Variants in TAX1BP1 observed in about 807,000 individuals in gnomAD.
TAX1BP1 encodes tax1-binding protein 1.
In TAX1BP1, 62 loss-of-function variants were observed where a neutral mutation model predicts 97.7. The ratio of observed to expected loss-of-function variants is 0.63; its 90% CI spans 0.52 to 0.78. The LOEUF is 0.78. TAX1BP1 is among the 30% of genes least tolerant of loss of function. The pLI, the probability that TAX1BP1 is intolerant of heterozygous loss-of-function variation, is 0.00. For missense variants in TAX1BP1, 867 were observed against 916.1 expected (o/e 0.95, Z 0.69); for synonymous variants, 340 against 304.2 (o/e 1.12, Z -1.23).
chr7:27,816,319 C>T (rs934652783), intron 13 of TAX1BP1, 30 bp from the exon 14 acceptor site: 2 of 1,492,210 alleles, frequency 1.3e-6, no homozygotes, highest in Non-Finnish European at 1.8e-6. Context: ...TATTGCTTTG[C>T]TTATTCATCT....
chr7:27,744,150 G>A (rs1177116783), intron 1 of TAX1BP1, among the ~76,000 whole-genome samples: 2 of 151,572 alleles, frequency 1.3e-5, no homozygotes, highest in South Asian at 2.1e-4. Context: ...TTTTTGAGAC[G>A]GAGTCTCGCT....
intron 3 of TAX1BP1, among the ~76,000 whole-genome samples, chr7:27,762,729 G>T (rs942723230): frequency 6.6e-6 from 1 of 152,128 alleles, no homozygotes; most frequent in Non-Finnish European, 1.5e-5. Context: ...AGGATGGATT[G>T]CATGAGCCCA....
chr7:27,769,749 C>T lies in TAX1BP1; in HGVS notation c.527C>T (p.Ala176Val). The T allele has an allele frequency of 6.2e-7, 1 of 1,612,498 alleles. No homozygotes were observed. The highest frequency in any genetic ancestry group is 8.5e-7 in the Non-Finnish European group (1 of 1,179,056). ...ATTGCCGTTCTGGAAAAAGAAACAGCACAACTTCGAGAACAAGTTGGGAGA... is the reference window on the plus strand; with the variant it reads ...ATTGCCGTTCTGGAAAAAGAAACAGTACAACTTCGAGAACAAGTTGGGAGA... Reference protein sequence around the residue: ...KLIAVLEKETAQLREQVGRME... With the variant: ...KLIAVLEKETVQLREQVGRME... The change falls in exon 5 of 17, where the codon GCA becomes GTA. Residue 176 changes from alanine (A) to valine (V), a missense_variant. Ala to Val is a moderately conservative substitution (Grantham distance 64). Around this residue, in one of 3 missense-constraint regions of TAX1BP1, gnomAD observed 822 missense variants for 851.4 expected, o/e 0.97. Transcript: ENST00000396319.
intron 5 of TAX1BP1, among the ~76,000 whole-genome samples, 197 bp from the exon 6 acceptor site, chr7:27,784,966 A>G (rs966762513): frequency 7.2e-5 from 11 of 152,142 alleles, no homozygotes; most frequent in Non-Finnish European, 1.5e-4. Flanking sequence ...CAAAAAACAA[A>G]TTATCGATTA....
chr7:27,811,014 A>G (rs182634501), intron 13 of TAX1BP1, among the ~76,000 whole-genome samples: 1 of 152,178 alleles, frequency 6.6e-6, no homozygotes, highest in East Asian at 1.9e-4. Flanking sequence ...GAGACCACTT[A>G]CCACAATTAA....
chr7:27,786,531 G>A (rs1217152307), intron 7 of TAX1BP1, among the ~76,000 whole-genome samples: 3 of 152,142 alleles, frequency 2.0e-5, no homozygotes, highest in Admixed American at 6.5e-5. Context: ...TGGCTCATAA[G>A]CATTTCCTGA....
At chr7:27,819,075 G>T (rs1790880337) in intron 15 of TAX1BP1, among the ~76,000 whole-genome samples, 1 of 152,064 alleles carries the variant, frequency 6.6e-6, no homozygotes, top group Non-Finnish European at 1.5e-5. Flanking sequence ...TAAACGAAAT[G>T]ATGTGTAACA....
At chr7:27,816,619 A>G in intron 14 of TAX1BP1, 99 bp downstream of exon 14, 2 of 1,083,840 alleles carry the variant, frequency 1.8e-6, no homozygotes, top group Non-Finnish European at 2.6e-6. Flanking sequence ...AATCAACCCT[A>G]ATACAAACAT....
rs981926145 is a variant in TAX1BP1 at position 27,740,192 on chromosome 7, G to A, written c.-85G>A. 3 of 152,610 alleles carry A rather than the reference G, an allele frequency of 2.0e-5. No individual in the cohort carries two copies. Among genetic ancestry groups the A allele is most frequent in the Non-Finnish European group, 2.9e-5 (2 of 68,358 alleles). The allele number at this position is 152,610 out of a possible 1,614,324, so 9.5% of individuals were successfully genotyped here. On this transcript the variant is annotated 5_prime_UTR_variant, in exon 1 of 17. Transcript: ENST00000396319. ...TTGGGGGTAGGCGGTAGTGGCGGAA[G>A]AGGTTCGGCGGCTGATGGCGGATCA...
intron 1 of TAX1BP1, among the ~76,000 whole-genome samples, chr7:27,746,415 GT>G (rs34156347): frequency 0.024 from 2,900 of 119,518 alleles, 68 homozygotes; most frequent in African/African-American, 0.073. Flanking sequence ...TGGAATTGGT[GT>G]TTTTTTTTTT....
chr7:27,763,710 G>C (rs1788514184), intron 3 of TAX1BP1, among the ~76,000 whole-genome samples: 1 of 151,748 alleles, frequency 6.6e-6, no homozygotes, highest in South Asian at 2.1e-4. Flanking sequence ...GGAGGTTGCA[G>C]TAAGCTGAGA....
At chr7:27,774,284 A>T (rs537199466) in intron 5 of TAX1BP1, among the ~76,000 whole-genome samples, 2 of 152,208 alleles carry the variant, frequency 1.3e-5, no homozygotes, top group South Asian at 4.1e-4. Context: ...TGCAAAGAAC[A>T]ACTTGTCATC....
At chr7:27,786,814 A>G (rs986186076) in intron 7 of TAX1BP1, among the ~76,000 whole-genome samples, 3 of 152,236 alleles carry the variant, frequency 2.0e-5, no homozygotes, top group Admixed American at 6.5e-5. Context: ...AGCAGGATAT[A>G]CTTGATAGTG....
chr7:27,829,325 T>G lies in TAX1BP1; in HGVS notation c.*496T>G, dbSNP rs1273288486. The stretch of plus-strand genomic sequence containing the variant: ...AATTTAGCCCATGAAATGATAGGTT[T>G]TTAATTTTCAGAAATGGAGCTGCAT... On this transcript the variant is annotated 3_prime_UTR_variant, in exon 17 of 17. Transcript: ENST00000396319. The G allele has an allele frequency of 6.6e-6, 1 of 152,288 alleles. No homozygotes were observed. Among genetic ancestry groups the G allele is most frequent in the Non-Finnish European group, 1.5e-5 (1 of 68,070 alleles). 9.4% of individuals were successfully genotyped at this position (152,288 alleles called of 1,614,324 possible).
chr7:27,768,919 CT>C (rs1226149507), intron 4 of TAX1BP1, among the ~76,000 whole-genome samples: 1 of 151,932 alleles, frequency 6.6e-6, no homozygotes, highest in Admixed American at 6.6e-5. Context: ...ATAATACCAC[CT>C]TTGTTAAGTC....
intron 2 of TAX1BP1, among the ~76,000 whole-genome samples, chr7:27,751,292 A>C (rs567232554): frequency 1.1e-3 from 161 of 152,342 alleles, no homozygotes; most frequent in African/African-American, 3.7e-3. Flanking sequence ...ATTTCAGGTA[A>C]TACAGGAAGG....
rs1475940987 is a variant in TAX1BP1, at chr7:27,785,204, A to G, written c.654A>G (p.Glu218=). ...EVTQSLKMEN[E]EFKKRFSDAT... is the part of the protein sequence containing the mutation. ...CACAAAGCTTAAAAATGGAAAATGA[A>G]GAGTTTAAGAAGAGGTTCAGTGATG... The change falls in exon 6 of 17, where the codon GAA becomes GAG. Residue 218 remains glutamate, a synonymous_variant. Coordinates refer to ENST00000396319, the MANE Select transcript of TAX1BP1 (RefSeq NM_006024.7). 1 of 1,612,182 alleles carries G rather than the reference A, an allele frequency of 6.2e-7. No homozygotes were observed. The highest frequency in any genetic ancestry group is 2.2e-5 in the East Asian group (1 of 44,748).
intron 13 of TAX1BP1, among the ~76,000 whole-genome samples, chr7:27,810,719 G>T (rs1392233061): frequency 6.6e-6 from 1 of 152,064 alleles, no homozygotes; most frequent in Middle Eastern, 3.4e-3. Context: ...CTGGGCTCAG[G>T]TGATCTTCCC....
chr7:27,824,958 T>C (rs1290034778), intron 15 of TAX1BP1, among the ~76,000 whole-genome samples: 3 of 152,180 alleles, frequency 2.0e-5, no homozygotes, highest in African/African-American at 7.2e-5. Flanking sequence ...TTTTAAAATG[T>C]GCTGTTAAAC....
Sources: allele counts gnomAD v4.1 joint callset (sites outside exome capture counted in the v4.1 genomes callset), GRCh38; gene constraint gnomAD v4.1.1; regional missense constraint gnomAD v4.1.1; transcripts MANE v1.5; gene names NCBI Gene and HGNC (gene_info 2026-07-23, HGNC 2026-07-21).